The following SOS1 variants were observed in gnomAD, a reference collection of about 807,000 sequenced individuals.
SOS1 encodes the protein son of sevenless homolog 1.
A neutral mutation model predicts 157.6 loss-of-function variants in SOS1; 25 were observed. That is an observed-to-expected ratio of 0.16 (90% confidence interval 0.12 to 0.22). The LOEUF is 0.22. Among genes scored for constraint, SOS1 ranks in the 10% least tolerant of loss-of-function variants. SOS1 has a pLI of 1.00. For synonymous variants in SOS1, 528 were observed against 534.0 expected, an observed-to-expected ratio of 0.99 and a Z score of 0.16; for missense variants, 1,237 against 1,599.1, an observed-to-expected ratio of 0.77 and a Z score of 3.86.
intron 1 of SOS1, among the ~76,000 whole-genome samples, chr2:39,110,295 G>C (rs532505854): frequency 1.3e-5 from 2 of 152,150 alleles, no homozygotes; most frequent in South Asian, 4.1e-4. Context: ...TATTGTTTAA[G>C]GAGTAATGAC....
At chr2:39,069,329 A>G (rs1014369468) in intron 1 of SOS1, among the ~76,000 whole-genome samples, 3 of 151,576 alleles carry the variant, frequency 2.0e-5, no homozygotes, top group Admixed American at 1.3e-4. Context: ...GCAGTGAGCT[A>G]TGATTAAACC....
upstream of SOS1, among the ~76,000 whole-genome samples, chr2:39,122,435 CA>C (rs1179830874): frequency 4.0e-5 from 4 of 100,548 alleles, no homozygotes; most frequent in Non-Finnish European, 1.9e-5. Context: ...CGTTTCAATT[CA>C]AAAAAAAATA....
intron 10 of SOS1, among the ~76,000 whole-genome samples, chr2:39,021,713 A>G (rs1669804760): frequency 1.3e-5 from 2 of 151,612 alleles, no homozygotes; most frequent in South Asian, 4.1e-4. Flanking sequence ...AAACCAGGAA[A>G]ATGTGGCAAG....
chr2:39,091,059 G>A (rs1377688603), intron 1 of SOS1, among the ~76,000 whole-genome samples: 1 of 152,130 alleles, frequency 6.6e-6, no homozygotes, highest in Non-Finnish European at 1.5e-5. Flanking sequence ...AGTAGAGACG[G>A]GGTTTCACCA....
At chr2:39,096,791 C>G (rs1343676057) in intron 1 of SOS1, among the ~76,000 whole-genome samples, 1 of 151,584 alleles carries the variant, frequency 6.6e-6, no homozygotes. Flanking sequence ...GAGGCTGAGA[C>G]AGGAGAATGG....
chr2:39,007,323 C>A, intron 15 of SOS1, 130 bp from the exon 16 acceptor site: 2 of 671,408 alleles, frequency 3.0e-6, no homozygotes, highest in Non-Finnish European at 5.3e-6. Context: ...ATAGAGAAGA[C>A]ACATTCAGGG....
rs371462374 is a variant in SOS1, at chr2:39,006,395, C to T, written c.2791+17G>A. On this transcript the variant is annotated intron_variant, in intron 17 of 22. Coordinates refer to ENST00000402219, the MANE Select transcript of SOS1 (RefSeq NM_005633.4). ...TTTATCCAGAAATGCAATAAAAATT[C>T]AGAAAGAAATACTTACCAAAGAAAG... 1 of 1,166,626 alleles carries T rather than the reference C, an allele frequency of 8.6e-7. No individual in the cohort carries two copies. The highest frequency in any genetic ancestry group is 1.3e-6 in the Non-Finnish European group (1 of 772,536). The allele number at this position is 1,166,626 out of a possible 1,614,324, so 72.3% of individuals were successfully genotyped here. A position where few individuals can be genotyped will look rare whatever the true frequency, so the allele number is the denominator to read the frequency against.
At chr2:39,112,848 G>T (rs1486247678) in intron 1 of SOS1, among the ~76,000 whole-genome samples, 3 of 152,112 alleles carry the variant, frequency 2.0e-5, no homozygotes, top group Non-Finnish European at 2.9e-5. Flanking sequence ...AGACCAGCCT[G>T]GGCAACATGG....
intron 6 of SOS1, 103 bp from the exon 7 acceptor site, chr2:39,035,603 G>A: frequency 1.2e-6 from 1 of 816,500 alleles, no homozygotes; most frequent in Admixed American, 2.1e-5. Context: ...GTATGTCTTT[G>A]AAAGTCTCTA....
chr2:38,991,098 G>T (rs1005222457), intron 20 of SOS1, among the ~76,000 whole-genome samples: 5 of 151,930 alleles, frequency 3.3e-5, no homozygotes, highest in African/African-American at 1.2e-4. Flanking sequence ...AGTGTGGGCT[G>T]GGCCTACATA....
chr2:39,037,267 G>A lies in SOS1; in HGVS notation c.865-1767C>T, dbSNP rs528813856. ...GAGTCAGGCATGAATACAGTGGACG[G>A]AAGAGAAGACTAAAAATGTGAAGAG... On this transcript the variant is annotated intron_variant, in intron 6 of 22. Transcript: ENST00000402219. Among the ~76,000 whole-genome samples the A allele has an allele frequency of 5.7e-4, 87 of 152,310 alleles. 1 individual carries two copies. The highest frequency in any genetic ancestry group is 1.6e-3 in the Admixed American group (24 of 15,298).
intron 1 of SOS1, among the ~76,000 whole-genome samples, chr2:39,105,770 G>C (rs1261391395): frequency 6.6e-6 from 1 of 151,974 alleles, no homozygotes; most frequent in African/African-American, 2.4e-5. Flanking sequence ...TGTAGTGGCA[G>C]GCACCTGTAA....
chr2:39,004,554 T>C (rs879435502), intron 17 of SOS1, among the ~76,000 whole-genome samples: 6 of 152,012 alleles, frequency 3.9e-5, no homozygotes, highest in Non-Finnish European at 8.8e-5. Context: ...TTCAGTTTGA[T>C]ATTAGAGTTA....
chr2:39,086,868 A>G (rs994117231), intron 1 of SOS1, among the ~76,000 whole-genome samples: 5 of 151,990 alleles, frequency 3.3e-5, no homozygotes, highest in Non-Finnish European at 5.9e-5. Flanking sequence ...GCTGGAGTGC[A>G]GTGGCATGAT....
intron 1 of SOS1, among the ~76,000 whole-genome samples, chr2:39,117,650 A>C (rs1366763981): frequency 6.6e-6 from 1 of 152,224 alleles, no homozygotes; most frequent in East Asian, 1.9e-4. Flanking sequence ...CATGTTCAGA[A>C]GTGTCCTATA....
At chr2:39,075,860 C>A (rs10188701) in intron 1 of SOS1, among the ~76,000 whole-genome samples, 11,276 of 152,006 alleles carry the variant, frequency 0.074, 1,519 homozygotes, top group African/African-American at 0.26. Flanking sequence ...GTAAAGTGAA[C>A]AAATTCCTAA....
chr2:39,037,437 T>C (rs1464581978), intron 6 of SOS1, among the ~76,000 whole-genome samples: 1 of 152,234 alleles, frequency 6.6e-6, no homozygotes, highest in Non-Finnish European at 1.5e-5. Flanking sequence ...TTTCAGTTTA[T>C]TTTAAAACTA....
intron 17 of SOS1, among the ~76,000 whole-genome samples, chr2:39,003,702 C>T (rs1669185887): frequency 1.3e-5 from 2 of 152,050 alleles, no homozygotes; most frequent in African/African-American, 4.8e-5. Context: ...CATTTGGGGG[C>T]ATCCCCCCCC....
chr2:39,027,727 T>C (rs923644972), intron 8 of SOS1, among the ~76,000 whole-genome samples: 3 of 152,208 alleles, frequency 2.0e-5, no homozygotes, highest in Non-Finnish European at 4.4e-5. Flanking sequence ...ATTACATTTG[T>C]ACAAAGGCAG....
Sources: allele counts gnomAD v4.1 joint callset (sites outside exome capture counted in the v4.1 genomes callset), GRCh38; gene constraint gnomAD v4.1.1; transcripts MANE v1.5; gene names NCBI Gene and HGNC (gene_info 2026-07-23, HGNC 2026-07-21).